Variants in AKAP10 observed in about 807,000 individuals in gnomAD.
AKAP10 encodes A-kinase anchor protein 10, mitochondrial.
Under a neutral mutation model 80.8 loss-of-function variants are expected in AKAP10, and 24 were observed. The observed-to-expected ratio is 0.30, with a 90% CI of 0.22 to 0.42. AKAP10 has a LOEUF of 0.42. Ranked by LOEUF, AKAP10 falls within the 10% of genes least tolerant of loss-of-function variation. The pLI, the probability that AKAP10 is intolerant of heterozygous loss-of-function variation, is 1.00. For synonymous variants in AKAP10, 291 were observed against 277.7 expected (o/e 1.05, Z -0.48); for missense variants, 661 against 794.9 (o/e 0.83, Z 2.03).
At chr17:19,949,300 G>A (rs922181151) in intron 4 of AKAP10, among the ~76,000 whole-genome samples, 7 of 151,854 alleles carry the variant, frequency 4.6e-5, no homozygotes, top group African/African-American at 7.3e-5. Context: ...TGGAAATAAC[G>A]GGAAAGAACC....
chr17:19,948,860 T>C (rs146998973), intron 4 of AKAP10, among the ~76,000 whole-genome samples: 12 of 152,180 alleles, frequency 7.9e-5, no homozygotes, highest in African/African-American at 2.2e-4. Context: ...GCAGATAAGA[T>C]ACAAAACTGA....
At chr17:19,936,087 C>T (rs2042989212) in intron 9 of AKAP10, 199 bp downstream of exon 9, 9 of 449,944 alleles carry the variant, frequency 2.0e-5, no homozygotes, top group Admixed American at 3.8e-5. Context: ...CCATCGTACA[C>T]GCAGTCCACT....
intron 1 of AKAP10, among the ~76,000 whole-genome samples, chr17:19,970,323 C>T (rs543451331): frequency 1.3e-5 from 2 of 152,290 alleles, no homozygotes; most frequent in East Asian, 1.9e-4. Flanking sequence ...CAAACCACCA[C>T]GGTTCCACTT....
intron 10 of AKAP10, among the ~76,000 whole-genome samples, chr17:19,931,029 C>T (rs2042926405): frequency 1.3e-5 from 2 of 151,978 alleles, no homozygotes; most frequent in Non-Finnish European, 2.9e-5. Context: ...TTCAAATTAG[C>T]CAGGCGTGGT....
At chr17:19,912,193 T>C (rs1243239894) in intron 12 of AKAP10, among the ~76,000 whole-genome samples, 2 of 152,160 alleles carry the variant, frequency 1.3e-5, no homozygotes, top group South Asian at 2.1e-4. Context: ...GGCGGGCAAA[T>C]CACTTGAGGT....
chr17:19,915,364 C>G (rs2042733207), intron 12 of AKAP10, among the ~76,000 whole-genome samples: 1 of 152,296 alleles, frequency 6.6e-6, no homozygotes, highest in Non-Finnish European at 1.5e-5. Flanking sequence ...ATATGCTTAA[C>G]AAGTCAGGGT....
At chr17:19,950,954 G>T (rs541890472) in intron 4 of AKAP10, among the ~76,000 whole-genome samples, 1 of 147,224 alleles carries the variant, frequency 6.8e-6, no homozygotes, top group South Asian at 2.1e-4. Context: ...GCCTCTGCCC[G>T]GCCGCGACCC....
At chr17:19,929,093 T>G (rs567770437) in intron 10 of AKAP10, among the ~76,000 whole-genome samples, 1 of 152,152 alleles carries the variant, frequency 6.6e-6, no homozygotes, top group Non-Finnish European at 1.5e-5. Flanking sequence ...TGAAAGACAG[T>G]TGGCAACAAA....
intron 2 of AKAP10, 35 bp downstream of exon 2, chr17:19,968,379 T>G: frequency 6.3e-7 from 1 of 1,581,620 alleles, no homozygotes; most frequent in Middle Eastern, 1.7e-4. Context: ...GCACATCACT[T>G]TTTAATGCAG....
chr17:19,924,498 C>T lies in AKAP10; in HGVS notation c.1661G>A (p.Ser554Asn). ...SASQSSVKKASIKILKNFDEA... is the reference protein window; with the variant it reads ...SASQSSVKKANIKILKNFDEA... ...ATCAAAATTTTTCAGTATTTTAATACTGGCTTTTTTCACACTGGACTACAA... is the reference window on the plus strand; with the variant it reads ...ATCAAAATTTTTCAGTATTTTAATATTGGCTTTTTTCACACTGGACTACAA... Residue 554 changes from serine to asparagine, a missense_variant, in exon 11 of 15, where the codon AGT (serine) becomes AAT (asparagine). Coordinates refer to ENST00000225737, the MANE Select transcript of AKAP10 (RefSeq NM_007202.4). 1.9e-6 allele frequency: 3 copies of T among 1,605,358 alleles called. No individual in the cohort carries two copies. Among genetic ancestry groups the T allele is most frequent in the Non-Finnish European group, 1.7e-6 (2 of 1,174,976 alleles).
intron 12 of AKAP10, among the ~76,000 whole-genome samples, chr17:19,918,449 G>A (rs1002173063): frequency 5.3e-5 from 8 of 152,078 alleles, no homozygotes; most frequent in Admixed American, 2.0e-4. Context: ...CAGTAGGATC[G>A]CTTAAACCCG....
rs369344588 is a variant in AKAP10 at position 19,935,009 on chromosome 17, CTCAA to C, written c.1467+1273_1467+1276del. 3.2e-3 allele frequency among the ~76,000 whole-genome samples: 491 copies of C among 151,824 alleles called. 1 individual carries two copies. The highest frequency in any genetic ancestry group is 5.0e-3 in the South Asian group (24 of 4,814). On this transcript the variant is annotated intron_variant, in intron 9 of 14. Coordinates refer to ENST00000225737, the MANE Select transcript of AKAP10 (RefSeq NM_007202.4). ...CCTGGACAATGGAGTGAAACTCTGTCTCAATCAATCAATCAATCAATCAATCAAT... is the reference window on the plus strand; with the variant it reads ...CCTGGACAATGGAGTGAAACTCTGTCTCAATCAATCAATCAATCAATCAAT...
At chr17:19,953,657 CAAG>C (rs2152416961) in intron 4 of AKAP10, among the ~76,000 whole-genome samples, 1 of 152,244 alleles carries the variant, frequency 6.6e-6, no homozygotes, top group East Asian at 1.9e-4. Flanking sequence ...AAAATTCACT[CAAG>C]AAGAAACAGA....
chr17:19,951,899 A>C (rs1348625124), intron 4 of AKAP10, among the ~76,000 whole-genome samples: 2 of 150,546 alleles, frequency 1.3e-5, no homozygotes, highest in Non-Finnish European at 3.0e-5. Context: ...ACAAATACTA[A>C]AAAAAAATAA....
chr17:19,970,729 A>C (rs2043484834), intron 1 of AKAP10, among the ~76,000 whole-genome samples: 1 of 152,158 alleles, frequency 6.6e-6, no homozygotes, highest in South Asian at 2.1e-4. Context: ...AGGCTGAGGC[A>C]GAAGAATCGC....
At chr17:19,946,257 A>T (rs1341761232) in intron 5 of AKAP10, among the ~76,000 whole-genome samples, 5 of 22,720 alleles carry the variant, frequency 2.2e-4, no homozygotes, top group South Asian at 1.3e-3. Flanking sequence ...ATATATATAT[A>T]TATATATATA....
At chr17:19,977,558 C>A in intron 1 of AKAP10, 34 bp downstream of exon 1, 2 of 1,230,956 alleles carry the variant, frequency 1.6e-6, no homozygotes, top group African/African-American at 1.6e-5. Context: ...CCCTGAGGCC[C>A]GGCCTGACTC....
intron 12 of AKAP10, among the ~76,000 whole-genome samples, chr17:19,915,245 A>G (rs1224878599): frequency 6.6e-6 from 1 of 152,220 alleles, no homozygotes; most frequent in East Asian, 1.9e-4. Context: ...ACGAATCATC[A>G]AGACTATAGG....
intron 10 of AKAP10, among the ~76,000 whole-genome samples, chr17:19,927,271 T>C (rs2042884766): frequency 6.6e-6 from 1 of 151,958 alleles, no homozygotes; most frequent in South Asian, 2.1e-4. Context: ...GAAGTTGAGG[T>C]GGCAGTGAGC....
Sources: allele counts gnomAD v4.1 joint callset (sites outside exome capture counted in the v4.1 genomes callset), GRCh38; gene constraint gnomAD v4.1.1; transcripts MANE v1.5; gene names NCBI Gene and HGNC (gene_info 2026-07-23, HGNC 2026-07-21).